Variants in AKAP6 observed in about 807,000 individuals in gnomAD.
AKAP6 encodes the protein A-kinase anchor protein 6.
A neutral mutation model predicts 188.5 loss-of-function variants in AKAP6; 58 were observed. The ratio of observed to expected loss-of-function variants is 0.31; its 90% CI spans 0.25 to 0.38. AKAP6 has a LOEUF of 0.38. Among genes scored for constraint, AKAP6 ranks in the 10% least tolerant of loss-of-function variants. The pLI is 1.00. For synonymous variants in AKAP6, 989 were observed against 998.6 expected (o/e 0.99, Z 0.18); for missense variants, 2,710 against 2,740.0 (o/e 0.99, Z 0.24).
intron 11 of AKAP6, among the ~76,000 whole-genome samples, chr14:32,757,040 G>C (rs2032362223): frequency 6.6e-6 from 1 of 152,164 alleles, no homozygotes; most frequent in Admixed American, 6.5e-5. Flanking sequence ...TAGAGTCCCA[G>C]ATAAAGTCAG....
intron 2 of AKAP6, among the ~76,000 whole-genome samples, chr14:32,501,149 A>T (rs1262796452): frequency 6.6e-6 from 1 of 152,160 alleles, no homozygotes; most frequent in Non-Finnish European, 1.5e-5. Context: ...AACACAATAA[A>T]TTTTAATATC....
chr14:32,644,078 C>T (rs955910074), intron 7 of AKAP6, among the ~76,000 whole-genome samples: 1 of 152,050 alleles, frequency 6.6e-6, no homozygotes, highest in African/African-American at 2.4e-5. Context: ...AGTTGCAGAC[C>T]CTTGAGGATG....
At chr14:32,454,869 C>CTCCCTCCCTCCT (rs1891101028) in intron 2 of AKAP6, among the ~76,000 whole-genome samples, 1 of 46,780 alleles carries the variant, frequency 2.1e-5, no homozygotes, top group Non-Finnish European at 3.7e-5. Flanking sequence ...CCCTCCCTCC[C>CTCCCTCCCTCCT]TCCCTCCCTC....
chr14:32,587,527 C>G (rs1885305381), intron 5 of AKAP6, among the ~76,000 whole-genome samples: 1 of 152,088 alleles, frequency 6.6e-6, no homozygotes, highest in African/African-American at 2.4e-5. Flanking sequence ...TAGTTATAAT[C>G]AAATGAGTGG....
chr14:32,640,703 C>A (rs1188175642), intron 7 of AKAP6, among the ~76,000 whole-genome samples: 1 of 152,026 alleles, frequency 6.6e-6, no homozygotes, highest in Non-Finnish European at 1.5e-5. Flanking sequence ...TAGGTACCTC[C>A]AGTAGTATAT....
chr14:32,762,766 A>G (rs1258152880), intron 11 of AKAP6, among the ~76,000 whole-genome samples: 1 of 152,090 alleles, frequency 6.6e-6, no homozygotes, highest in Non-Finnish European at 1.5e-5. Flanking sequence ...AGGATCTTCA[A>G]GAATTTACAG....
intron 11 of AKAP6, among the ~76,000 whole-genome samples, chr14:32,762,950 G>A (rs566176287): frequency 4.6e-4 from 70 of 152,214 alleles, no homozygotes; most frequent in Admixed American, 1.1e-3. Context: ...TAAACAAACA[G>A]AGGGGAGGTA....
chr14:32,746,879 G>C (rs2031933664), intron 11 of AKAP6, among the ~76,000 whole-genome samples: 1 of 152,104 alleles, frequency 6.6e-6, no homozygotes, highest in South Asian at 2.1e-4. Flanking sequence ...CCGGCTGGAG[G>C]AAGTCAGGGA....
intron 3 of AKAP6, among the ~76,000 whole-genome samples, chr14:32,537,331 A>G (rs1435617574): frequency 6.6e-6 from 1 of 152,174 alleles, no homozygotes; most frequent in Non-Finnish European, 1.5e-5. Context: ...GTTGCGTGTT[A>G]GTTCCCAGAT....
intron 9 of AKAP6, among the ~76,000 whole-genome samples, chr14:32,720,482 G>A (rs1348134103): frequency 6.6e-6 from 1 of 152,206 alleles, no homozygotes; most frequent in African/African-American, 2.4e-5. Context: ...GGTCATGGAA[G>A]ATAGAAGAAT....
At chr14:32,425,942 T>C (rs1379088550) in intron 1 of AKAP6, among the ~76,000 whole-genome samples, 1 of 152,222 alleles carries the variant, frequency 6.6e-6, no homozygotes, top group Non-Finnish European at 1.5e-5. Context: ...TCCTGAATAG[T>C]ATTGCCTAGG....
chr14:32,506,028 A>G (rs1020152747), intron 2 of AKAP6, among the ~76,000 whole-genome samples: 3 of 151,946 alleles, frequency 2.0e-5, no homozygotes, highest in African/African-American at 7.3e-5. Context: ...CTGTAGTTCA[A>G]GCTACGCGGG....
At chr14:32,733,795 T>C (rs2031294066) in intron 10 of AKAP6, 1 of 152,154 alleles carries the variant, frequency 6.6e-6, no homozygotes, top group African/African-American at 2.4e-5. Flanking sequence ...ACAGCATTCA[T>C]TGATCTCAAA....
At chr14:32,456,976 A>G (rs977183720) in intron 2 of AKAP6, among the ~76,000 whole-genome samples, 1 of 152,226 alleles carries the variant, frequency 6.6e-6, no homozygotes, top group African/African-American at 2.4e-5. Context: ...GAAATTATAA[A>G]TTTAGCCAAG....
intron 1 of AKAP6, among the ~76,000 whole-genome samples, chr14:32,348,975 C>T (rs2138438228): frequency 6.6e-6 from 1 of 152,306 alleles, no homozygotes; most frequent in South Asian, 2.1e-4. Context: ...CCGGCAGCCC[C>T]TCTAACCAGA....
At chr14:32,710,152 TA>T (rs1349090064) in intron 9 of AKAP6, among the ~76,000 whole-genome samples, 3 of 147,640 alleles carry the variant, frequency 2.0e-5, no homozygotes, top group Admixed American at 6.8e-5. Context: ...TATATGCCTT[TA>T]AAAAAATTTA....
chr14:32,432,862 G>A (rs375394812), intron 1 of AKAP6, among the ~76,000 whole-genome samples: 3 of 152,138 alleles, frequency 2.0e-5, no homozygotes, highest in Non-Finnish European at 4.4e-5. Context: ...GACCTGGTAC[G>A]GTAGCTCCTC....
chr14:32,745,334 G>A (rs186858458), intron 11 of AKAP6, among the ~76,000 whole-genome samples: 1 of 152,298 alleles, frequency 6.6e-6, no homozygotes, highest in Admixed American at 6.5e-5. Flanking sequence ...CAGTAATGCT[G>A]TAGTTCTTGC....
chr14:32,675,521 A>G (rs1439017916), intron 7 of AKAP6, among the ~76,000 whole-genome samples: 5 of 152,262 alleles, frequency 3.3e-5, no homozygotes, highest in Non-Finnish European at 5.9e-5. Flanking sequence ...GGACTAAAAT[A>G]TAGTCTGATA....
Sources: gnomAD v4.1 joint callset for allele counts (sites outside exome capture counted in the v4.1 genomes callset) on GRCh38, gnomAD v4.1.1 for gene constraint, MANE v1.5 for transcripts, NCBI Gene and HGNC (gene_info 2026-07-23, HGNC 2026-07-21) for gene names.